GAB2: variants seen among roughly 807,000 people sequenced by gnomAD.
GAB2 encodes GRB2 associated binding protein 2.
A neutral mutation model predicts 65.5 loss-of-function variants in GAB2; 26 were observed. The observed-to-expected ratio is 0.40, with a 90% CI of 0.29 to 0.55. The LOEUF (loss-of-function observed/expected upper bound fraction) is 0.55, where lower values mean the gene tolerates loss of function less well. Ranked by LOEUF, GAB2 falls within the 20% of genes least tolerant of loss-of-function variation. The pLI is 0.53. For synonymous variants in GAB2, 321 were observed against 329.6 expected (o/e 0.97, Z 0.28); for missense variants, 884 against 875.8 (o/e 1.01, Z -0.12).
At chr11:78,366,356 G>A (rs898685345) in intron 1 of GAB2, among the ~76,000 whole-genome samples, 1 of 152,094 alleles carries the variant, frequency 6.6e-6, no homozygotes, top group Non-Finnish European at 1.5e-5. Context: ...GAGGCAGGTG[G>A]ATCACCTGAG....
intron 1 of GAB2, among the ~76,000 whole-genome samples, chr11:78,309,971 T>TGTGTGC (rs1421836447): frequency 2.0e-4 from 24 of 120,192 alleles, no homozygotes; most frequent in Middle Eastern, 4.3e-3. Flanking sequence ...TGTGTGTGTG[T>TGTGTGC]GCGCGCGCGC....
At chr11:78,414,087 CAAAAAAA>C (rs34915163) in intron 1 of GAB2, among the ~76,000 whole-genome samples, 23 of 83,292 alleles carry the variant, frequency 2.8e-4, no homozygotes, top group Non-Finnish European at 5.1e-4. Context: ...AACTCTGTCT[CAAAAAAA>C]AAAAAAAAAA....
intron 1 of GAB2, among the ~76,000 whole-genome samples, chr11:78,284,020 A>C (rs1565141925): frequency 6.6e-6 from 1 of 152,072 alleles, no homozygotes; most frequent in East Asian, 1.9e-4. Context: ...ACTAGTAGGT[A>C]TCTCAACATT....
chr11:78,407,036 A>G (rs1205612872), intron 1 of GAB2, among the ~76,000 whole-genome samples: 11 of 152,208 alleles, frequency 7.2e-5, no homozygotes, highest in Non-Finnish European at 1.2e-4. Flanking sequence ...GACAGTAGAA[A>G]TAACCTAATA....
At chr11:78,251,820 C>T (rs1865463932) in intron 2 of GAB2, among the ~76,000 whole-genome samples, 1 of 152,216 alleles carries the variant, frequency 6.6e-6, no homozygotes, top group Non-Finnish European at 1.5e-5. Flanking sequence ...TTGTCTAACC[C>T]ATGGCTTTCT....
intron 1 of GAB2, among the ~76,000 whole-genome samples, chr11:78,328,630 G>A (rs1855864895): frequency 1.3e-5 from 2 of 152,072 alleles, no homozygotes; most frequent in Admixed American, 1.3e-4. Context: ...CAACATGGAT[G>A]GATCTCAAAA....
At position 78,407,070 on chromosome 11, in the gene GAB2, T is replaced by TG. The variant is rs1268631451; in HGVS notation, c.75+10575dup. ...TATGAACAACACAGAGAAAACAGAC[T>TG]GAAAAAAAATGACCAGAGTCTACAG... On this transcript the variant is annotated intron_variant, in intron 1 of 9. Transcript: ENST00000361507. 9.3e-5 allele frequency among the ~76,000 whole-genome samples: 14 copies of TG among 151,274 alleles called. No homozygotes were observed. The East Asian group carries it at 2.5e-3, about 27-fold the overall frequency.
At chr11:78,238,339 AC>A (rs1336423708) in intron 3 of GAB2, among the ~76,000 whole-genome samples, 8 of 152,126 alleles carry the variant, frequency 5.3e-5, no homozygotes, top group Middle Eastern at 3.4e-3. Context: ...CCATATCTCT[AC>A]AAAAAATTAA....
intron 2 of GAB2, among the ~76,000 whole-genome samples, chr11:78,274,285 G>A (rs749491445): frequency 3.9e-5 from 6 of 152,124 alleles, no homozygotes; most frequent in Non-Finnish European, 7.3e-5. Context: ...CACAAAGGAG[G>A]ACAGATGAAC....
intron 2 of GAB2, among the ~76,000 whole-genome samples, chr11:78,265,909 C>A (rs958541788): frequency 6.6e-6 from 1 of 151,974 alleles, no homozygotes; most frequent in Non-Finnish European, 1.5e-5. Flanking sequence ...CAATTTATAA[C>A]CAAACACTGT....
intron 2 of GAB2, among the ~76,000 whole-genome samples, chr11:78,253,237 C>T (rs1254264393): frequency 6.6e-6 from 1 of 152,022 alleles, no homozygotes; most frequent in Non-Finnish European, 1.5e-5. Context: ...TCTCGATCAC[C>T]ACTGCCTCAG....
intron 2 of GAB2, among the ~76,000 whole-genome samples, chr11:78,250,784 A>T (rs552688920): frequency 1.1e-4 from 17 of 152,162 alleles, no homozygotes; most frequent in Admixed American, 2.6e-4. Flanking sequence ...CAAAGGATGA[A>T]ATCATGTCTT....
intron 1 of GAB2, among the ~76,000 whole-genome samples, chr11:78,293,564 C>T (rs546598312): frequency 6.6e-6 from 1 of 152,242 alleles, no homozygotes; most frequent in South Asian, 2.1e-4. Context: ...ATAAAGCTGA[C>T]TCCAACTATA....
chr11:78,354,636 G>A lies in GAB2; in HGVS notation c.75+63010C>T, dbSNP rs142305288. Among the ~76,000 whole-genome samples, 191 of 152,192 alleles carry A rather than the reference G, an allele frequency of 1.3e-3. 1 individual carries two copies. The East Asian group carries it at 0.032, about 26-fold the overall frequency. On this transcript the variant is annotated intron_variant, in intron 1 of 9. Coordinates refer to ENST00000361507, the MANE Select transcript of GAB2 (RefSeq NM_080491.3). ...AGCAATACAGCTTTCAAGCATTAAT[G>A]GGAAAGGCAAGAATCAAGGACAAAC...
chr11:78,293,469 G>A (rs1866736486), intron 1 of GAB2, among the ~76,000 whole-genome samples: 2 of 152,098 alleles, frequency 1.3e-5, no homozygotes, highest in East Asian at 3.9e-4. Flanking sequence ...TCAGTCAGAT[G>A]ATCTGTTAAT....
At chr11:78,323,104 A>G (rs1389258483) in intron 1 of GAB2, among the ~76,000 whole-genome samples, 3 of 152,210 alleles carry the variant, frequency 2.0e-5, no homozygotes, top group African/African-American at 7.2e-5. Context: ...TTTAAAATGT[A>G]TAGTACATAT....
At chr11:78,394,136 A>G (rs1017731223) in intron 1 of GAB2, among the ~76,000 whole-genome samples, 5 of 152,140 alleles carry the variant, frequency 3.3e-5, no homozygotes, top group Non-Finnish European at 7.4e-5. Context: ...AAAATATAAA[A>G]AATTTGCTGG....
At chr11:78,410,480 G>A (rs1264858328) in intron 1 of GAB2, among the ~76,000 whole-genome samples, 3 of 152,210 alleles carry the variant, frequency 2.0e-5, no homozygotes, top group Non-Finnish European at 1.5e-5. Flanking sequence ...CTCCACCCCA[G>A]GTGACAGAGT....
chr11:78,348,709 T>C (rs1034106873), intron 1 of GAB2, among the ~76,000 whole-genome samples: 3 of 152,216 alleles, frequency 2.0e-5, no homozygotes. Flanking sequence ...GACTGAGCCA[T>C]TCAACTGCTG....
Sources: gnomAD v4.1 joint callset for allele counts (sites outside exome capture counted in the v4.1 genomes callset) on GRCh38, gnomAD v4.1.1 for gene constraint, MANE v1.5 for transcripts, NCBI Gene and HGNC (gene_info 2026-07-23, HGNC 2026-07-21) for gene names.